MYO3B: variants seen among roughly 807,000 people sequenced by gnomAD.
MYO3B encodes the protein myosin-IIIb.
A neutral mutation model predicts 174.6 loss-of-function variants in MYO3B; 156 were observed. That is an observed-to-expected ratio of 0.89 (90% CI 0.78 to 1.02). The LOEUF (loss-of-function observed/expected upper bound fraction) is 1.02, where lower values mean the gene tolerates loss of function less well. MYO3B is among the 50% of genes least tolerant of loss of function. MYO3B has a pLI of 0.00. For synonymous variants in MYO3B, 563 were observed against 569.1 expected, an observed-to-expected ratio of 0.99 and a Z score of 0.15; for missense variants, 1,632 against 1,639.4, an observed-to-expected ratio of 1.00 and a Z score of 0.08.
At chr2:170,372,350 T>C in intron 9 of MYO3B, among the ~76,000 whole-genome samples, 1 of 152,140 alleles carries the variant, frequency 6.6e-6, no homozygotes, top group South Asian at 2.1e-4. Flanking sequence ...GTGTACAAGG[T>C]CTATTTAATT....
chr2:170,594,321 T>A (rs552332721), intron 32 of MYO3B, among the ~76,000 whole-genome samples: 1 of 152,160 alleles, frequency 6.6e-6, no homozygotes, highest in Non-Finnish European at 1.5e-5. Context: ...GTATCGTCAG[T>A]GCATGGCGAA....
rs555112525 is a variant in MYO3B, at chr2:170,200,358, G to A, written c.321+74G>A. 159 of 1,536,852 alleles carry A rather than the reference G, an allele frequency of 1.0e-4. No homozygotes were observed. In the Middle Eastern group the frequency reaches 1.4e-3, roughly 14 times the overall value. ...GCCAACAGATGCTTTATTACCTAGAGGGTGTTTTAAGGTACACATTTGAGG... is the reference window on the plus strand; with the variant it reads ...GCCAACAGATGCTTTATTACCTAGAAGGTGTTTTAAGGTACACATTTGAGG... On this transcript the variant is annotated intron_variant, in intron 3 of 34. Transcript: ENST00000408978.
At position 170,498,464 on chromosome 2, in the gene MYO3B, A is replaced by G. The variant is rs901203643; in HGVS notation, c.3015-128A>G. 11 of 639,826 alleles carry G rather than the reference A, an allele frequency of 1.7e-5. 1 individual carries two copies. Among genetic ancestry groups the G allele is most frequent in the Middle Eastern group, 7.6e-4 (2 of 2,636 alleles). The allele number at this position is 639,826 out of a possible 1,614,324, so 39.6% of individuals were successfully genotyped here. A position where few individuals can be genotyped will look rare whatever the true frequency, so the allele number is the denominator to read the frequency against. On this transcript the variant is annotated intron_variant, in intron 25 of 34. Coordinates refer to ENST00000408978, the MANE Select transcript of MYO3B (RefSeq NM_138995.5). ...AATTTTGTATCTTTTACTACCTACT[A>G]TGCTATTATTGGTGCTCGACAAATA...
intron 23 of MYO3B, among the ~76,000 whole-genome samples, chr2:170,459,123 A>C (rs1233302581): frequency 1.3e-5 from 2 of 152,170 alleles, no homozygotes; most frequent in Non-Finnish European, 2.9e-5. Flanking sequence ...GGACCCAAAG[A>C]GTGAGCAGCA....
chr2:170,442,843 T>C (rs2094812025), intron 22 of MYO3B, among the ~76,000 whole-genome samples: 1 of 152,254 alleles, frequency 6.6e-6, no homozygotes, highest in African/African-American at 2.4e-5. Context: ...CATCCTTTTT[T>C]ATGGCTGCAT....
intron 1 of MYO3B, among the ~76,000 whole-genome samples, chr2:170,187,580 C>A (rs2092482036): frequency 6.6e-6 from 1 of 152,102 alleles, no homozygotes; most frequent in South Asian, 2.1e-4. Flanking sequence ...TGAAGTTTTT[C>A]TACTTTTTTG....
chr2:170,257,905 A>G (rs913064208), intron 7 of MYO3B, among the ~76,000 whole-genome samples: 2 of 152,136 alleles, frequency 1.3e-5, no homozygotes, highest in African/African-American at 4.8e-5. Flanking sequence ...AATCCCACAG[A>G]AATACCAAAG....
At chr2:170,376,106 G>A (rs973222693) in intron 9 of MYO3B, among the ~76,000 whole-genome samples, 1 of 152,110 alleles carries the variant, frequency 6.6e-6, no homozygotes, top group African/African-American at 2.4e-5. Flanking sequence ...AAAATGGGCA[G>A]ATACTATAAT....
At chr2:170,299,774 C>A (rs1207627564) in intron 7 of MYO3B, among the ~76,000 whole-genome samples, 1 of 152,144 alleles carries the variant, frequency 6.6e-6, no homozygotes, top group Non-Finnish European at 1.5e-5. Flanking sequence ...TCTTAGATGT[C>A]AGAAATTAGG....
In MYO3B at chr2:170,547,038, G is replaced by A. The variant is rs114003077; in HGVS notation, c.3733+3050G>A. Among the ~76,000 whole-genome samples the A allele has an allele frequency of 5.7e-3, 872 of 152,210 alleles. 2 individuals are homozygous for A. Among genetic ancestry groups the A allele is most frequent in the African/African-American group, 0.019 (798 of 41,532 alleles). On this transcript the variant is annotated intron_variant, in intron 32 of 34. Transcript: ENST00000408978. ...TCTTCAGAGTATAAGAAGTGTCCCT[G>A]GCACGGCGTGGTGGCTCACGCCTGT...
intron 8 of MYO3B, among the ~76,000 whole-genome samples, chr2:170,338,794 G>A (rs556414131): frequency 6.6e-6 from 1 of 151,988 alleles, no homozygotes; most frequent in African/African-American, 2.4e-5. Context: ...GCAGAGATGG[G>A]GTTTCACCAT....
intron 6 of MYO3B, among the ~76,000 whole-genome samples, chr2:170,231,405 C>G (rs2093014508): frequency 6.6e-6 from 1 of 152,232 alleles, no homozygotes; most frequent in Non-Finnish European, 1.5e-5. Flanking sequence ...GTGGTAATGA[C>G]CAACATTTGG....
At chr2:170,447,959 C>T (rs1370056991) in intron 23 of MYO3B, among the ~76,000 whole-genome samples, 2 of 152,156 alleles carry the variant, frequency 1.3e-5, no homozygotes, top group Non-Finnish European at 2.9e-5. Context: ...TGAGTGGTGC[C>T]AGCTGATCCA....
intron 8 of MYO3B, among the ~76,000 whole-genome samples, chr2:170,365,992 T>G (rs2105667501): frequency 6.6e-6 from 1 of 152,268 alleles, no homozygotes; most frequent in South Asian, 2.1e-4. Flanking sequence ...TTGTTTTGCG[T>G]TAAATGAAGG....
chr2:170,336,069 T>C (rs537943334), intron 8 of MYO3B, among the ~76,000 whole-genome samples: 3 of 152,124 alleles, frequency 2.0e-5, no homozygotes, highest in South Asian at 4.2e-4. Flanking sequence ...GTGAAACCAA[T>C]AGTGGCTCAG....
chr2:170,595,987 T>G (rs1221353281), intron 32 of MYO3B, among the ~76,000 whole-genome samples: 1 of 152,230 alleles, frequency 6.6e-6, no homozygotes, highest in Non-Finnish European at 1.5e-5. Context: ...TTTCAACATT[T>G]TCACCATCTA....
intron 1 of MYO3B, among the ~76,000 whole-genome samples, chr2:170,189,805 A>G (rs943492749): frequency 6.6e-6 from 1 of 152,058 alleles, no homozygotes; most frequent in African/African-American, 2.4e-5. Context: ...AAGGTCAGAT[A>G]TTTCTGTCTC....
intron 30 of MYO3B, among the ~76,000 whole-genome samples, chr2:170,527,657 G>A (rs1689089691): frequency 6.6e-6 from 1 of 152,172 alleles, no homozygotes; most frequent in Non-Finnish European, 1.5e-5. Flanking sequence ...ACAGACCCTG[G>A]AGCCAAACTG....
intron 3 of MYO3B, among the ~76,000 whole-genome samples, chr2:170,202,827 A>C (rs2092676742): frequency 6.6e-6 from 1 of 152,238 alleles, no homozygotes; most frequent in Non-Finnish European, 1.5e-5. Context: ...TTGCATATTA[A>C]GAATAAATTT....
Sources: gnomAD v4.1 joint callset for allele counts (sites outside exome capture counted in the v4.1 genomes callset) on GRCh38, gnomAD v4.1.1 for gene constraint, MANE v1.5 for transcripts, NCBI Gene and HGNC (gene_info 2026-07-23, HGNC 2026-07-21) for gene names.